ATP8A2: variants seen among roughly 807,000 people sequenced by gnomAD.
ATP8A2 encodes ATPase phospholipid transporting 8A2.
In ATP8A2, 100 loss-of-function variants were observed where a neutral mutation model predicts 165.6. The observed-to-expected ratio is 0.60, with a 90% confidence interval of 0.51 to 0.71. ATP8A2 has a LOEUF of 0.71. Among genes scored for constraint, ATP8A2 ranks in the 30% least tolerant of loss-of-function variants. ATP8A2 has a pLI of 0.00. For synonymous variants in ATP8A2, 543 were observed against 548.8 expected, an observed-to-expected ratio of 0.99 and a Z score of 0.15; for missense variants, 1,227 against 1,479.5, an observed-to-expected ratio of 0.83 and a Z score of 2.80.
At chr13:25,403,821 A>G (rs11841180) in intron 1 of ATP8A2, among the ~76,000 whole-genome samples, 48,174 of 152,090 alleles carry the variant, frequency 0.32, 7,919 homozygotes, top group East Asian at 0.45. Context: ...TAGATGACTC[A>G]AAGTTGGGAG....
At chr13:25,986,106 G>T (rs1445517840) in intron 35 of ATP8A2, among the ~76,000 whole-genome samples, 1 of 152,032 alleles carries the variant, frequency 6.6e-6, no homozygotes, top group Non-Finnish European at 1.5e-5. Flanking sequence ...AATAAAAATT[G>T]TATGTATTCA....
At chr13:25,800,275 T>C (rs1950593269) in intron 27 of ATP8A2, among the ~76,000 whole-genome samples, 1 of 152,138 alleles carries the variant, frequency 6.6e-6, no homozygotes, top group Non-Finnish European at 1.5e-5. Flanking sequence ...CAGGTAAAAA[T>C]GTACAATGGA....
chr13:25,628,358 T>G (rs1251421154), intron 24 of ATP8A2, among the ~76,000 whole-genome samples: 4 of 152,192 alleles, frequency 2.6e-5, no homozygotes, highest in Non-Finnish European at 5.9e-5. Flanking sequence ...CTGTATGTCC[T>G]GATTGTGGAA....
intron 35 of ATP8A2, among the ~76,000 whole-genome samples, chr13:25,997,005 G>A (rs956603699): frequency 1.3e-5 from 2 of 152,052 alleles, no homozygotes; most frequent in Admixed American, 6.5e-5. Flanking sequence ...TTTTAGTAGA[G>A]ACAGGGTTTC....
In ATP8A2 at chr13:25,769,034, CTTT is replaced by C. The variant is rs1413239401; in HGVS notation, c.2385-10_2385-8del. The stretch of plus-strand genomic sequence containing the variant: ...ACATGCATAGCTCTGATTTCCCTCT[CTTT>C]TCTCACAGAGTGTCTCCTCTGCAGA... On this transcript the variant is annotated splice_polypyrimidine_tract_variant and intron_variant, in intron 25 of 36. Coordinates refer to ENST00000381655, the MANE Select transcript of ATP8A2 (RefSeq NM_016529.6). The C allele has an allele frequency of 6.2e-7, 1 of 1,613,670 alleles. No homozygotes were observed. The highest frequency in any genetic ancestry group is 8.5e-7 in the Non-Finnish European group (1 of 1,179,588).
chr13:25,849,536 A>G (rs1195071873), intron 30 of ATP8A2, among the ~76,000 whole-genome samples: 1 of 152,248 alleles, frequency 6.6e-6, no homozygotes, highest in East Asian at 1.9e-4. Flanking sequence ...AAAATGAGAC[A>G]TGCTTTTCTT....
chr13:25,838,420 G>A (rs1470275381), intron 29 of ATP8A2, among the ~76,000 whole-genome samples: 4 of 152,112 alleles, frequency 2.6e-5, no homozygotes, highest in Admixed American at 6.6e-5. Flanking sequence ...CTGTGATTCC[G>A]TTAATGGGAA....
intron 24 of ATP8A2, among the ~76,000 whole-genome samples, chr13:25,689,733 C>G (rs1176294553): frequency 6.6e-6 from 1 of 152,118 alleles, no homozygotes; most frequent in Non-Finnish European, 1.5e-5. Context: ...GAGATCCACT[C>G]TGGGCAAATG....
chr13:25,894,610 A>G (rs1276177594), intron 33 of ATP8A2, among the ~76,000 whole-genome samples: 1 of 152,174 alleles, frequency 6.6e-6, no homozygotes, highest in African/African-American at 2.4e-5. Flanking sequence ...CATTGAATCT[A>G]TAAATTACCT....
chr13:25,919,657 C>G (rs1198402387), intron 33 of ATP8A2, among the ~76,000 whole-genome samples: 1 of 152,164 alleles, frequency 6.6e-6, no homozygotes, highest in African/African-American at 2.4e-5. Context: ...GAGCCCATCA[C>G]TGCCCCTCAT....
chr13:25,844,857 A>C (rs1566196005), intron 30 of ATP8A2, among the ~76,000 whole-genome samples: 1 of 152,216 alleles, frequency 6.6e-6, no homozygotes, highest in Non-Finnish European at 1.5e-5. Context: ...TCCACCATCT[A>C]TGGAGAGAAC....
At chr13:25,878,916 G>A (rs938144783) in intron 33 of ATP8A2, among the ~76,000 whole-genome samples, 16 of 152,084 alleles carry the variant, frequency 1.1e-4, no homozygotes, top group Admixed American at 9.8e-4. Context: ...TCCAGAGCAG[G>A]GTCATGAGTG....
At chr13:25,996,976 G>A (rs1248732650) in intron 35 of ATP8A2, among the ~76,000 whole-genome samples, 1 of 152,166 alleles carries the variant, frequency 6.6e-6, no homozygotes, top group African/African-American at 2.4e-5. Flanking sequence ...GAGCCACCAT[G>A]CCCAGCCCAT....
intron 33 of ATP8A2, among the ~76,000 whole-genome samples, chr13:25,915,246 G>A (rs142872458): frequency 2.0e-5 from 3 of 152,340 alleles, no homozygotes; most frequent in African/African-American, 4.8e-5. Flanking sequence ...CTGTCATACT[G>A]TGTTACCATC....
At chr13:25,640,785 G>T (rs1426416737) in intron 24 of ATP8A2, among the ~76,000 whole-genome samples, 1 of 152,042 alleles carries the variant, frequency 6.6e-6, no homozygotes. Flanking sequence ...ACCAAAGCCT[G>T]GCAGAGACAC....
chr13:25,846,763 G>T (rs1951875632), intron 30 of ATP8A2, among the ~76,000 whole-genome samples: 1 of 152,172 alleles, frequency 6.6e-6, no homozygotes, highest in South Asian at 2.1e-4. Flanking sequence ...CTGATCTAAT[G>T]TAGCAATCAT....
chr13:25,729,272 AT>A (rs1474354096), intron 25 of ATP8A2, among the ~76,000 whole-genome samples: 1 of 152,236 alleles, frequency 6.6e-6, no homozygotes, highest in Non-Finnish European at 1.5e-5. Flanking sequence ...CACAATCAAG[AT>A]AACCTGGCCT....
At chr13:25,392,868 G>C (rs149309868) in intron 1 of ATP8A2, among the ~76,000 whole-genome samples, 1 of 150,690 alleles carries the variant, frequency 6.6e-6, no homozygotes, top group East Asian at 2.0e-4. Context: ...TTCAGGCCAG[G>C]AGTTTGAGAC....
At chr13:25,426,392 G>C (rs184641213) in intron 1 of ATP8A2, among the ~76,000 whole-genome samples, 1 of 152,294 alleles carries the variant, frequency 6.6e-6, no homozygotes, top group East Asian at 1.9e-4. Flanking sequence ...CATGAGGGCA[G>C]CACCAAGCTT....
Sources: gnomAD v4.1 joint callset for allele counts (sites outside exome capture counted in the v4.1 genomes callset) on GRCh38, gnomAD v4.1.1 for gene constraint, MANE v1.5 for transcripts, NCBI Gene and HGNC (gene_info 2026-07-23, HGNC 2026-07-21) for gene names.